Variants in UNC13A observed in about 807,000 individuals in gnomAD.
UNC13A encodes unc-13 homolog A, also known as protein unc-13 homolog A.
Under a neutral mutation model 219.7 loss-of-function variants are expected in UNC13A, and 61 were observed. The observed-to-expected ratio is 0.28, with a 90% CI of 0.23 to 0.34. UNC13A has a LOEUF of 0.34. Among genes scored for constraint, UNC13A ranks in the 10% least tolerant of loss-of-function variants. UNC13A has a pLI of 1.00. For synonymous variants in UNC13A, 920 were observed against 884.6 expected (o/e 1.04, Z -0.71); for missense variants, 1,476 against 2,270.3 (o/e 0.65, Z 7.11).
At chr19:17,606,383 A>C (rs936433367) in intron 43 of UNC13A, 29 bp from the exon 44 acceptor site, 39 of 1,536,024 alleles carry the variant, frequency 2.5e-5, no homozygotes, top group Non-Finnish European at 3.1e-5. Context: ...AACGTGAGAC[A>C]GGCCACACCT....
intron 36 of UNC13A, chr19:17,623,298 T>C (rs1568506785): frequency 4.5e-6 from 2 of 449,418 alleles, no homozygotes; most frequent in Non-Finnish European, 7.9e-6. Context: ...GGTTTGGGAG[T>C]GGGTAGTGGG....
rs1238574924 is a variant in UNC13A at position 17,604,965 on chromosome 19, G to C, written c.*1089C>G. The C allele has an allele frequency of 6.5e-6, 1 of 152,676 alleles. No individual in the cohort carries two copies. The highest frequency in any genetic ancestry group is 1.5e-5 in the Non-Finnish European group (1 of 68,062). The allele number at this position is 152,676 out of a possible 1,614,324, so 9.5% of individuals were successfully genotyped here. A position where few individuals can be genotyped will look rare whatever the true frequency, so the allele number is the denominator to read the frequency against. On this transcript the variant is annotated 3_prime_UTR_variant, in exon 44 of 44. Transcript: ENST00000519716. ...GGAAAATTCTGGAAAAGGAAGAAGG[G>C]ATGGAGAAACCTGGGACCAGGGGAT...
Position 17,630,908 on chromosome 19 carries a change from T to C in UNC13A, c.3429-158A>G, listed in dbSNP as rs536461717. 2.4e-4 allele frequency among the ~76,000 whole-genome samples: 36 copies of C among 152,248 alleles called. No individual in the cohort carries two copies. The South Asian group carries it at 6.6e-3, about 28-fold the overall frequency. ...AGTGGCTGCTCCTCTGCTCGCCTCCTGCACTGAACCTCAGTTACTTTGCTC... is the reference window on the plus strand; with the variant it reads ...AGTGGCTGCTCCTCTGCTCGCCTCCCGCACTGAACCTCAGTTACTTTGCTC... On this transcript the variant is annotated intron_variant, in intron 28 of 43. Coordinates refer to ENST00000519716, the MANE Select transcript of UNC13A (RefSeq NM_001080421.3).
intron 8 of UNC13A, among the ~76,000 whole-genome samples, chr19:17,659,687 G>A (rs1414834030): frequency 2.6e-5 from 4 of 151,950 alleles, no homozygotes; most frequent in African/African-American, 9.7e-5. Context: ...GAGCATTGCT[G>A]GAGCCCAGGA....
At chr19:17,644,990 G>A (rs968467908) in intron 19 of UNC13A, among the ~76,000 whole-genome samples, 5 of 149,436 alleles carry the variant, frequency 3.3e-5, no homozygotes, top group East Asian at 2.0e-4. Flanking sequence ...GCCACTGCCC[G>A]GCGCCCCCAG....
At chr19:17,621,956 T>A in intron 36 of UNC13A, 86 bp from the exon 37 acceptor site, 1 of 1,380,534 alleles carries the variant, frequency 7.2e-7, no homozygotes, top group Non-Finnish European at 1.0e-6. Flanking sequence ...TTCATGGGGA[T>A]GGGGGAATCC....
Position 17,605,994 on chromosome 19 carries a change from C to G in UNC13A, c.*60G>C. 2 of 1,367,570 alleles carry G rather than the reference C, an allele frequency of 1.5e-6. No individual in the cohort carries two copies. Among genetic ancestry groups the G allele is most frequent in the Non-Finnish European group, 1.9e-6 (2 of 1,060,460 alleles). The allele number at this position is 1,367,570 out of a possible 1,614,324, so 84.7% of individuals were successfully genotyped here. A position where few individuals can be genotyped will look rare whatever the true frequency, so the allele number is the denominator to read the frequency against. On this transcript the variant is annotated 3_prime_UTR_variant, in exon 44 of 44. Transcript: ENST00000519716. ...GGAGGTCCCACCAAGGCGCAAGCCC[C>G]GTCCCTCCCCGCCCAGCGCCCTCCG...
At chr19:17,686,314 C>G (rs1006840563) in intron 1 of UNC13A, among the ~76,000 whole-genome samples, 1 of 92,044 alleles carries the variant, frequency 1.1e-5, no homozygotes, top group East Asian at 3.1e-4. Flanking sequence ...CCCCCCCCCC[C>G]CCCACTCCAC....
intron 2 of UNC13A, among the ~76,000 whole-genome samples, chr19:17,675,011 G>A (rs566703003): frequency 6.6e-6 from 1 of 152,268 alleles, no homozygotes; most frequent in African/African-American, 2.4e-5. Context: ...CCCAGAAAAG[G>A]GGAACAAAAT....
intron 1 of UNC13A, among the ~76,000 whole-genome samples, chr19:17,677,387 G>T (rs1287104581): frequency 3.5e-5 from 5 of 142,278 alleles, no homozygotes; most frequent in African/African-American, 1.3e-4. Context: ...TTTTAGGGAC[G>T]GAGTCTTGCT....
chr19:17,687,811 A>G (rs1255258147), intron 1 of UNC13A, among the ~76,000 whole-genome samples: 5 of 151,982 alleles, frequency 3.3e-5, no homozygotes, highest in Admixed American at 1.3e-4. Context: ...GCAGGCTTCA[A>G]TCAAACTACC....
chr19:17,678,335 CG>C (rs1206021611), intron 1 of UNC13A, among the ~76,000 whole-genome samples: 2 of 152,052 alleles, frequency 1.3e-5, no homozygotes, highest in African/African-American at 4.8e-5. Flanking sequence ...AAAAATTAGC[CG>C]GGTGTGGTGG....
chr19:17,678,287 T>G (rs1037534262), intron 1 of UNC13A, among the ~76,000 whole-genome samples: 3 of 152,160 alleles, frequency 2.0e-5, no homozygotes, highest in Non-Finnish European at 4.4e-5. Context: ...GAGACCAGCC[T>G]GAACAACATG....
intron 1 of UNC13A, among the ~76,000 whole-genome samples, chr19:17,680,360 A>G (rs917473258): frequency 1.1e-4 from 17 of 152,106 alleles, no homozygotes; most frequent in Admixed American, 3.3e-4. Flanking sequence ...GCTTCGGGTC[A>G]CACGCATGAG....
chr19:17,638,109 T>C (rs2076930377), intron 25 of UNC13A, among the ~76,000 whole-genome samples: 1 of 140,064 alleles, frequency 7.1e-6, no homozygotes. Flanking sequence ...CACAGCCTCC[T>C]GAGATCCCAC....
chr19:17,680,884 C>A (rs372350101), intron 1 of UNC13A, among the ~76,000 whole-genome samples: 1 of 69,522 alleles, frequency 1.4e-5, no homozygotes, highest in Non-Finnish European at 2.9e-5. Flanking sequence ...TTTTTCTTTT[C>A]TTTTCTTTTT....
chr19:17,681,069 CTTTTTTTTTTTT>C lies in UNC13A; in HGVS notation c.23-5040_23-5029del, dbSNP rs71929988. Among the ~76,000 whole-genome samples, 27 of 96,080 alleles carry C rather than the reference CTTTTTTTTTTTT, an allele frequency of 2.8e-4. 1 individual carries two copies. The highest frequency in any genetic ancestry group is 1.1e-3 in the African/African-American group (25 of 22,460). 63.0% of individuals were successfully genotyped at this position (96,080 alleles called of 152,430 possible). ...TGCGCATCACCATGCTTGGCTATTC[CTTTTTTTTTTTT>C]TTTTTTTTTGTAGAGATGGGGTCTT... On this transcript the variant is annotated intron_variant, in intron 1 of 43. Coordinates refer to ENST00000519716, the MANE Select transcript of UNC13A (RefSeq NM_001080421.3).
chr19:17,669,452 G>C (rs1489519486), intron 5 of UNC13A, 101 bp downstream of exon 5: 2 of 1,452,344 alleles, frequency 1.4e-6, no homozygotes, highest in Non-Finnish European at 1.8e-6. Flanking sequence ...AGCCTGAAGG[G>C]TCAGCTAGAC....
rs74482579 is a variant in UNC13A, at chr19:17,622,042, C to T, written c.4204-172G>A. Among the ~76,000 whole-genome samples the T allele has an allele frequency of 7.5e-3, 1,138 of 152,142 alleles. 16 individuals are homozygous for T. Among genetic ancestry groups the T allele is most frequent in the African/African-American group, 0.026 (1,073 of 41,482 alleles). On this transcript the variant is annotated intron_variant, in intron 36 of 43. Coordinates refer to ENST00000519716, the MANE Select transcript of UNC13A (RefSeq NM_001080421.3). ...GTGTGTGTCTGTGTGTGTGCACACA[C>T]GTGCATGCGCTTTAGTGACTCACTC...
Sources: allele counts gnomAD v4.1 joint callset (sites outside exome capture counted in the v4.1 genomes callset), GRCh38; gene constraint gnomAD v4.1.1; transcripts MANE v1.5; gene names NCBI Gene and HGNC (gene_info 2026-07-23, HGNC 2026-07-21).